Variants in ZNF385D observed in about 807,000 individuals in gnomAD.
ZNF385D encodes zinc finger protein 385D.
Under a neutral mutation model 35.8 loss-of-function variants are expected in ZNF385D, and 15 were observed. That is an observed-to-expected ratio of 0.42 (90% CI 0.28 to 0.64). The LOEUF is 0.64. Ranked by LOEUF, ZNF385D falls within the 30% of genes least tolerant of loss-of-function variation. ZNF385D has a pLI of 0.23. For synonymous variants in ZNF385D, 212 were observed against 186.8 expected (o/e 1.13, Z -1.10); for missense variants, 474 against 494.6 (o/e 0.96, Z 0.39).
At chr3:22,080,480 C>G (rs147714065) in intron 3 of ZNF385D, among the ~76,000 whole-genome samples, 1 of 152,022 alleles carries the variant, frequency 6.6e-6, no homozygotes, top group Non-Finnish European at 1.5e-5. Context: ...AAACTAAAAT[C>G]ATATAAATAA....
At chr3:22,195,608 T>C (rs1051381882) in intron 2 of ZNF385D, among the ~76,000 whole-genome samples, 1 of 152,020 alleles carries the variant, frequency 6.6e-6, no homozygotes, top group African/African-American at 2.4e-5. Flanking sequence ...AGGTTTTTAT[T>C]TATATTCTGA....
chr3:22,085,044 C>G (rs572462267), intron 3 of ZNF385D, among the ~76,000 whole-genome samples: 9 of 152,116 alleles, frequency 5.9e-5, no homozygotes. Flanking sequence ...AAAGACACAA[C>G]ATATCAGAAT....
At chr3:21,954,702 A>C (rs554460488) in intron 3 of ZNF385D, among the ~76,000 whole-genome samples, 1 of 152,250 alleles carries the variant, frequency 6.6e-6, no homozygotes, top group Admixed American at 6.5e-5. Flanking sequence ...TCATTTTTAA[A>C]TTATCACAGT....
At chr3:22,204,787 G>C (rs576115910) in intron 2 of ZNF385D, among the ~76,000 whole-genome samples, 2 of 151,920 alleles carry the variant, frequency 1.3e-5, no homozygotes, top group Admixed American at 1.3e-4. Flanking sequence ...TAGTGAGCTT[G>C]AGGACAAGCT....
At chr3:21,564,022 T>C (rs544323397) in intron 3 of ZNF385D, among the ~76,000 whole-genome samples, 3 of 152,292 alleles carry the variant, frequency 2.0e-5, no homozygotes, top group Admixed American at 6.5e-5. Flanking sequence ...TGTTCTCCAC[T>C]GAAGTCTTTT....
intron 3 of ZNF385D, among the ~76,000 whole-genome samples, chr3:21,550,174 GA>G (rs781129383): frequency 9.9e-5 from 15 of 152,092 alleles, no homozygotes; most frequent in Non-Finnish European, 2.1e-4. Context: ...AGAAGTAAAA[GA>G]ATAGTTGACC....
chr3:22,266,256 C>T (rs766458647), intron 2 of ZNF385D, among the ~76,000 whole-genome samples: 2 of 151,984 alleles, frequency 1.3e-5, no homozygotes, highest in Non-Finnish European at 2.9e-5. Flanking sequence ...CTTTTTCTCT[C>T]TTCCTCAAAG....
chr3:22,345,197 C>T (rs1403633987), intron 2 of ZNF385D, among the ~76,000 whole-genome samples: 1 of 152,050 alleles, frequency 6.6e-6, no homozygotes, highest in Non-Finnish European at 1.5e-5. Flanking sequence ...TTATGGACTG[C>T]CTTTATGGTA....
At chr3:21,673,576 G>T (rs552466171) in intron 1 of ZNF385D, among the ~76,000 whole-genome samples, 108 of 152,218 alleles carry the variant, frequency 7.1e-4, no homozygotes, top group African/African-American at 2.4e-3. Context: ...GCCAGACACC[G>T]TTGGGACCAT....
chr3:22,214,393 G>A (rs1318093588), intron 2 of ZNF385D, among the ~76,000 whole-genome samples: 1 of 152,030 alleles, frequency 6.6e-6, no homozygotes, highest in Non-Finnish European at 1.5e-5. Flanking sequence ...TGAACAATAT[G>A]AAATCTGGGC....
chr3:21,559,325 G>C (rs1355722301), intron 3 of ZNF385D, among the ~76,000 whole-genome samples: 1 of 152,094 alleles, frequency 6.6e-6, no homozygotes, highest in African/African-American at 2.4e-5. Flanking sequence ...TCCATATTTA[G>C]TGCTTTCTTC....
At chr3:21,850,867 A>G (rs1696342465) in intron 3 of ZNF385D, among the ~76,000 whole-genome samples, 1 of 152,092 alleles carries the variant, frequency 6.6e-6, no homozygotes, top group Non-Finnish European at 1.5e-5. Context: ...ATCCACAACT[A>G]AATTAATTGC....
chr3:21,521,041 C>G (rs1707871972), intron 3 of ZNF385D, among the ~76,000 whole-genome samples: 1 of 152,176 alleles, frequency 6.6e-6, no homozygotes, highest in Non-Finnish European at 1.5e-5. Context: ...GGTCTTCCCT[C>G]TATAGTTTTG....
chr3:22,246,959 A>G (rs2125322928), intron 2 of ZNF385D, among the ~76,000 whole-genome samples: 1 of 152,058 alleles, frequency 6.6e-6, no homozygotes, highest in South Asian at 2.1e-4. Context: ...GTGCACACAC[A>G]CAATTTCAAT....
chr3:22,032,269 T>C (rs533677122), intron 3 of ZNF385D, among the ~76,000 whole-genome samples: 1 of 152,310 alleles, frequency 6.6e-6, no homozygotes, highest in African/African-American at 2.4e-5. Flanking sequence ...TCACATTATC[T>C]TTATACCAGG....
chr3:22,072,902 G>A (rs1396402603), intron 3 of ZNF385D, among the ~76,000 whole-genome samples: 5 of 151,896 alleles, frequency 3.3e-5, no homozygotes, highest in Admixed American at 6.6e-5. Context: ...TGAGATTCCC[G>A]GGAAGATTCA....
chr3:22,014,662 G>T (rs1383789198), intron 3 of ZNF385D, among the ~76,000 whole-genome samples: 1 of 151,826 alleles, frequency 6.6e-6, no homozygotes, highest in Non-Finnish European at 1.5e-5. Flanking sequence ...GATAATATGT[G>T]CAAGCAAATT....
intron 2 of ZNF385D, among the ~76,000 whole-genome samples, chr3:21,627,793 T>C (rs2065176056): frequency 1.3e-5 from 2 of 152,064 alleles, no homozygotes; most frequent in African/African-American, 4.8e-5. Context: ...AAATTTTCTA[T>C]TAAAGTTCAT....
chr3:21,730,012 T>C (rs1226841711), intron 1 of ZNF385D, among the ~76,000 whole-genome samples: 2 of 152,224 alleles, frequency 1.3e-5, no homozygotes, highest in Non-Finnish European at 2.9e-5. Flanking sequence ...AATAATAGAA[T>C]GCTACCATCT....
Sources: allele counts gnomAD v4.1 joint callset (sites outside exome capture counted in the v4.1 genomes callset), GRCh38; gene constraint gnomAD v4.1.1; transcripts MANE v1.5; gene names NCBI Gene and HGNC (gene_info 2026-07-23, HGNC 2026-07-21).